Variants in TTC7A observed in about 807,000 individuals in gnomAD.
TTC7A encodes tetratricopeptide repeat protein 7A.
TTC7A carries 110 observed loss-of-function variants against 103.7 expected under a neutral mutation model. The observed-to-expected ratio is 1.06, with a 90% CI of 0.91 to 1.24. TTC7A has a LOEUF of 1.24. TTC7A is among the 50% of genes most tolerant of loss of function. The pLI is 0.00. For synonymous variants in TTC7A, 521 were observed against 467.9 expected (o/e 1.11, Z -1.47); for missense variants, 1,340 against 1,116.3 (o/e 1.20, Z -2.86).
intron 5 of TTC7A, among the ~76,000 whole-genome samples, chr2:46,988,255 A>T (rs1421490286): frequency 6.6e-6 from 1 of 152,188 alleles, no homozygotes; most frequent in Non-Finnish European, 1.5e-5. Context: ...CCTTGGTGCC[A>T]CAGGAGGGAA....
Position 47,024,301 on chromosome 2 carries a change from C to T in TTC7A, c.1583C>T (p.Ala528Val), listed in dbSNP as rs745524400. Residue 528 changes from alanine (A) to valine (V), a missense_variant, in exon 14 of 20, where the codon GCG (alanine) becomes GTG (valine). Coordinates refer to ENST00000319190, the MANE Select transcript of TTC7A (RefSeq NM_020458.4). ...LQTLERAQQLAPSDPQVILYV... is the reference protein window; with the variant it reads ...LQTLERAQQLVPSDPQVILYV... ...TCCCCACACAGGGCTCAGCAGCTGG[C>T]GCCCAGTGACCCCCAGGTCATCCTC... 77 of 1,606,918 alleles carry T rather than the reference C, an allele frequency of 4.8e-5. No homozygotes were observed. The highest frequency in any genetic ancestry group is 6.0e-5 in the Non-Finnish European group (71 of 1,176,406).
chr2:47,069,008 C>T (rs954071868), intron 19 of TTC7A, among the ~76,000 whole-genome samples: 1 of 152,090 alleles, frequency 6.6e-6, no homozygotes, highest in African/African-American at 2.4e-5. Context: ...GAGAGGGGAC[C>T]TTCTGTGACT....
chr2:47,057,881 G>A (rs1019369522), intron 18 of TTC7A, among the ~76,000 whole-genome samples: 1 of 152,184 alleles, frequency 6.6e-6, no homozygotes, highest in African/African-American at 2.4e-5. Context: ...ACACTCAGAT[G>A]TGGCACTTGT....
rs151337598 is a variant in TTC7A, at chr2:47,049,960, A to C, written c.1931A>C (p.Lys644Thr). 1.9e-6 allele frequency: 3 copies of C among 1,613,924 alleles called. No individual in the cohort carries two copies. In the African/African-American group the frequency reaches 4.0e-5, roughly 22 times the overall value. The change falls in exon 17 of 20, where the codon AAG (lysine) becomes ACG (threonine). Residue 644 changes from lysine to threonine, a missense_variant. Physicochemically the swap from Lys to Thr is moderately conservative, Grantham distance 78 (BLOSUM62 -1). Coordinates refer to ENST00000319190, the MANE Select transcript of TTC7A (RefSeq NM_020458.4). ...CTTTTGCCTTCCAGAGGCCTAGAAA[A>C]GGATGGCAGCTTCGGTGAGGGCCTC... ...YSFSQLGGLE[K>T]DGSFGEGLTM...
chr2:46,916,230 G>T, exon 1 of TTC7A: 1 of 894,210 alleles, frequency 1.1e-6, no homozygotes, highest in Non-Finnish European at 1.3e-6. Context: ...TAATAGGAAT[G>T]CTAATTCCTT....
At chr2:47,073,526 C>G (rs1254106165) in intron 19 of TTC7A, among the ~76,000 whole-genome samples, 176 bp from the exon 20 acceptor site, 1 of 152,130 alleles carries the variant, frequency 6.6e-6, no homozygotes, top group African/African-American at 2.4e-5. Flanking sequence ...TTGGGCAGGG[C>G]CAGGTAGGAT....
At chr2:46,917,367 T>C in intron 2 of TTC7A, 1 of 592,110 alleles carries the variant, frequency 1.7e-6, no homozygotes, top group Non-Finnish European at 3.0e-6. Flanking sequence ...CTCTGAACTT[T>C]GGATTAGTTT....
intron 15 of TTC7A, among the ~76,000 whole-genome samples, chr2:47,044,931 G>A (rs1459824439): frequency 6.6e-6 from 1 of 152,214 alleles, no homozygotes; most frequent in Non-Finnish European, 1.5e-5. Context: ...GATCAGAGGG[G>A]CAACTGCCAG....
chr2:46,940,585 T>C (rs1020133643), upstream of TTC7A, among the ~76,000 whole-genome samples: 2 of 152,206 alleles, frequency 1.3e-5, no homozygotes, highest in Non-Finnish European at 2.9e-5. This position sits in a 1 kb window ranked among gnomAD's most constrained non-coding sequence, Gnocchi z 4.7. Flanking sequence ...ACCAAGGTGG[T>C]GAAACAGCCT....
chr2:47,042,675 AGTGTGTGT>A (rs10587096), intron 15 of TTC7A, among the ~76,000 whole-genome samples: 1 of 148,398 alleles, frequency 6.7e-6, no homozygotes, highest in Non-Finnish European at 1.5e-5. Flanking sequence ...CTGAGCCCCA[AGTGTGTGT>A]GTGTGTGTGT....
chr2:46,960,787 GT>G (rs1222452973), intron 3 of TTC7A, among the ~76,000 whole-genome samples: 1 of 152,210 alleles, frequency 6.6e-6, no homozygotes, highest in Non-Finnish European at 1.5e-5. Context: ...TAAAGCTTGT[GT>G]CCCACCTGTA....
intron 8 of TTC7A, among the ~76,000 whole-genome samples, chr2:46,999,141 C>T (rs1023739486): frequency 4.6e-5 from 7 of 152,256 alleles, no homozygotes; most frequent in Admixed American, 2.6e-4. Flanking sequence ...ACTTATTAAT[C>T]CATTCATCTA....
chr2:46,928,785 C>T (rs952867377), intron 2 of TTC7A, among the ~76,000 whole-genome samples: 8 of 151,624 alleles, frequency 5.3e-5, no homozygotes, highest in African/African-American at 1.9e-4. Flanking sequence ...AAAAAAGTCC[C>T]ACGTTTGAAA....
At position 47,024,308 on chromosome 2, in the gene TTC7A, T is replaced by TGACC; in HGVS notation, c.1591_1594dup (p.Pro532ArgfsTer35). The TGACC allele has an allele frequency of 6.2e-7, 1 of 1,608,108 alleles. No homozygotes were observed. The stretch of plus-strand genomic sequence containing the variant: ...ACAGGGCTCAGCAGCTGGCGCCCAG[T>TGACC]GACCCCCAGGTCATCCTCTATGTCT... On this transcript the variant is annotated frameshift_variant, in exon 14 of 20. Transcript: ENST00000319190. LOFTEE classifies it high-confidence loss of function.
At chr2:47,028,120 GGTGTT>G (rs549842068) in intron 14 of TTC7A, among the ~76,000 whole-genome samples, 83 of 152,034 alleles carry the variant, frequency 5.5e-4, no homozygotes, top group Non-Finnish European at 1.1e-3. Flanking sequence ...CCATCCTGGG[GGTGTT>G]GTGTTGTGCT....
intron 8 of TTC7A, chr2:46,999,794 C>G (rs1209347055): frequency 5.1e-6 from 5 of 985,324 alleles, no homozygotes; most frequent in Non-Finnish European, 6.0e-6. Flanking sequence ...CTAAAGTAAA[C>G]TGAACCCTTG....
intron 1 of TTC7A, among the ~76,000 whole-genome samples, chr2:46,946,548 C>T (rs999268260): frequency 1.3e-5 from 2 of 152,156 alleles, no homozygotes; most frequent in African/African-American, 4.8e-5. Context: ...CTCAGCCTTC[C>T]AAGTAGCTGG....
intron 2 of TTC7A, among the ~76,000 whole-genome samples, chr2:46,933,396 T>C (rs1412382481): frequency 6.6e-6 from 1 of 152,252 alleles, no homozygotes; most frequent in Non-Finnish European, 1.5e-5. Context: ...AAATAATTAC[T>C]GAGTGTCTAC....
chr2:46,952,363 A>C (rs1010315691), intron 2 of TTC7A, among the ~76,000 whole-genome samples: 1 of 152,212 alleles, frequency 6.6e-6, no homozygotes, highest in African/African-American at 2.4e-5. Flanking sequence ...ATTAATAATT[A>C]AATGTTAAAT....
Sources: allele counts gnomAD v4.1 joint callset (sites outside exome capture counted in the v4.1 genomes callset), GRCh38; gene constraint gnomAD v4.1.1; non-coding constraint Gnocchi (gnomAD v3.1); transcripts MANE v1.5; gene names NCBI Gene and HGNC (gene_info 2026-07-23, HGNC 2026-07-21).